RAB3IP: variants seen among roughly 807,000 people sequenced by gnomAD.
The protein encoded by RAB3IP is RAB3A interacting protein, also known as rab-3A-interacting protein.
RAB3IP carries 36 observed loss-of-function variants against 59.1 expected under a neutral mutation model. The observed-to-expected ratio is 0.61, with a 90% CI of 0.47 to 0.80. The LOEUF is 0.80. Among genes scored for constraint, RAB3IP ranks in the 30% least tolerant of loss-of-function variants. The pLI is 0.00. For missense variants in RAB3IP, 511 were observed against 536.0 expected (o/e 0.95, Z 0.46); for synonymous variants, 207 against 191.2 (o/e 1.08, Z -0.68).
At chr12:69,792,741 T>G (rs568136141) in intron 4 of RAB3IP, among the ~76,000 whole-genome samples, 1 of 152,334 alleles carries the variant, frequency 6.6e-6, no homozygotes, top group East Asian at 1.9e-4. Flanking sequence ...CTTTTCACTG[T>G]AACCCTTATG....
rs145664970 is a variant in RAB3IP at position 69,765,671 on chromosome 12, G to A, written c.510+9008G>A. Among the ~76,000 whole-genome samples, 672 of 152,316 alleles carry A rather than the reference G, an allele frequency of 4.4e-3. 5 individuals are homozygous for A. Among genetic ancestry groups the A allele is most frequent in the African/African-American group, 0.016 (650 of 41,570 alleles). On this transcript the variant is annotated intron_variant, in intron 3 of 10. Transcript: ENST00000247833. Reference sequence around the variant, plus strand: ...CTATATCAAAGCCTCTGCACAGGAGGAGTGAGGCAACTCAGGCTGCCGAAC... The same window carrying A: ...CTATATCAAAGCCTCTGCACAGGAGAAGTGAGGCAACTCAGGCTGCCGAAC...
chr12:69,784,864 A>G (rs781002159), intron 4 of RAB3IP, 49 bp downstream of exon 4: 2 of 1,013,356 alleles, frequency 2.0e-6, no homozygotes, highest in Admixed American at 2.0e-5. Flanking sequence ...ACTTTTATAT[A>G]TTGACAAAAT....
In RAB3IP at chr12:69,749,235, A is replaced by G. The variant is rs978528454; in HGVS notation, c.-25-6149A>G. ...TCAGCAAGCTGCATTAGATTCTCAT[A>G]GGAGTGCGAACCGTATTGTGAACTG... is the stretch of plus-strand genomic sequence containing the variant. On this transcript the variant is annotated intron_variant, in intron 1 of 10. Transcript: ENST00000247833. Among the ~76,000 whole-genome samples, 7 of 152,346 alleles carry G rather than the reference A, an allele frequency of 4.6e-5. 1 individual carries two copies. The highest frequency in any genetic ancestry group is 3.4e-3 in the Middle Eastern group (1 of 294).
chr12:69,802,212 A>G (rs750190063), intron 8 of RAB3IP, among the ~76,000 whole-genome samples: 6 of 151,882 alleles, frequency 4.0e-5, no homozygotes, highest in Non-Finnish European at 8.8e-5. Flanking sequence ...CTTCTCTCTG[A>G]GGGTGACCAT....
intron 3 of RAB3IP, chr12:69,779,071 C>G (rs1035019021): frequency 1.0e-5 from 1 of 98,676 alleles, no homozygotes; most frequent in Non-Finnish European, 2.0e-5. Flanking sequence ...AGCGAGATTC[C>G]GTGGGCGTAG....
chr12:69,740,041 G>A (rs917331147), intron 1 of RAB3IP, among the ~76,000 whole-genome samples: 1 of 152,152 alleles, frequency 6.6e-6, no homozygotes. Context: ...TCTTGCAGTG[G>A]AATGATTGCA....
intron 8 of RAB3IP, among the ~76,000 whole-genome samples, chr12:69,810,139 C>T (rs1880181046): frequency 6.6e-6 from 1 of 152,186 alleles, no homozygotes; most frequent in Non-Finnish European, 1.5e-5. Flanking sequence ...AGCTGCAGGT[C>T]TGTTGGAGTT....
At chr12:69,788,166 C>T (rs1423349735) in intron 4 of RAB3IP, among the ~76,000 whole-genome samples, 2 of 152,084 alleles carry the variant, frequency 1.3e-5, no homozygotes, top group Non-Finnish European at 2.9e-5. Flanking sequence ...ATAACTCACA[C>T]ATCTATTGGT....
intron 4 of RAB3IP, among the ~76,000 whole-genome samples, chr12:69,789,014 A>G (rs1430143042): frequency 6.6e-6 from 1 of 152,090 alleles, no homozygotes; most frequent in Non-Finnish European, 1.5e-5. Flanking sequence ...TGAAAACACA[A>G]CGTACCAAAA....
At chr12:69,760,573 C>G (rs1347602369) in intron 3 of RAB3IP, among the ~76,000 whole-genome samples, 2 of 151,932 alleles carry the variant, frequency 1.3e-5, no homozygotes, top group South Asian at 2.1e-4. Context: ...GAAGGACATC[C>G]TTTTACATTT....
rs983313627 is a variant in RAB3IP, at chr12:69,822,715, A to T, written c.*7269A>T. 1 of 152,196 alleles carries T rather than the reference A, an allele frequency of 6.6e-6. No individual in the cohort carries two copies. The highest frequency in any genetic ancestry group is 2.4e-5 in the African/African-American group (1 of 41,430). 9.4% of individuals were successfully genotyped at this position (152,196 alleles called of 1,614,324 possible). ...AAATGATAAATGTTTGAGGTGATGG[A>T]TACCCCAATTACCCTGATTTGATCA... On this transcript the variant is annotated 3_prime_UTR_variant, in exon 11 of 11. Coordinates refer to ENST00000247833, the MANE Select transcript of RAB3IP (RefSeq NM_022456.5).
chr12:69,788,626 A>T (rs1876108518), intron 4 of RAB3IP, among the ~76,000 whole-genome samples: 1 of 152,152 alleles, frequency 6.6e-6, no homozygotes, highest in Non-Finnish European at 1.5e-5. Flanking sequence ...TCAATACCAC[A>T]GTCTCTCTAA....
chr12:69,782,816 T>C (rs1158487536), intron 3 of RAB3IP, among the ~76,000 whole-genome samples: 1 of 152,006 alleles, frequency 6.6e-6, no homozygotes, highest in Non-Finnish European at 1.5e-5. Flanking sequence ...TTTGTTTTGT[T>C]TTTTTTTGTT....
intron 1 of RAB3IP, among the ~76,000 whole-genome samples, chr12:69,751,157 A>G (rs1869217635): frequency 6.6e-6 from 1 of 152,102 alleles, no homozygotes; most frequent in South Asian, 2.1e-4. Flanking sequence ...CTTTATTTTT[A>G]GTGTCATTAT....
At chr12:69,743,518 G>C (rs891595374) in intron 1 of RAB3IP, among the ~76,000 whole-genome samples, 2 of 151,866 alleles carry the variant, frequency 1.3e-5, no homozygotes, top group Non-Finnish European at 2.9e-5. Context: ...TTTATGTTGT[G>C]CTTTACAATG....
At position 69,815,813 on chromosome 12, in the gene RAB3IP, T is replaced by C. The variant is rs1354844592; in HGVS notation, c.*367T>C. On this transcript the variant is annotated 3_prime_UTR_variant, in exon 11 of 11. Coordinates refer to ENST00000247833, the MANE Select transcript of RAB3IP (RefSeq NM_022456.5). ...AGTAATTTTCAAACTACACAGTAGC[T>C]TCCTTCCTTGTGAGAGGCAAGAAAG... is the stretch of plus-strand genomic sequence containing the variant. The C allele has an allele frequency of 1.3e-5, 2 of 155,350 alleles. No homozygotes were observed. The highest frequency in any genetic ancestry group is 4.8e-5 in the African/African-American group (2 of 41,558). The allele number at this position is 155,350 out of a possible 1,614,324, so 9.6% of individuals were successfully genotyped here. A position where few individuals can be genotyped will look rare whatever the true frequency, so the allele number is the denominator to read the frequency against.
chr12:69,775,861 G>C (rs1301307586), intron 3 of RAB3IP, among the ~76,000 whole-genome samples: 1 of 101,112 alleles, frequency 9.9e-6, no homozygotes, highest in African/African-American at 3.5e-5. Context: ...CAAGGATATT[G>C]GTCTAAAATT....
At position 69,809,583 on chromosome 12, in the gene RAB3IP, C is replaced by T. The variant is rs189137341; in HGVS notation, c.1131-3195C>T. 8.3e-4 allele frequency among the ~76,000 whole-genome samples: 127 copies of T among 152,264 alleles called. 1 individual carries two copies. Among genetic ancestry groups the T allele is most frequent in the African/African-American group, 2.7e-3 (112 of 41,564 alleles). On this transcript the variant is annotated intron_variant, in intron 8 of 10. Transcript: ENST00000247833. ...TTTTCACATAGTCCCATATTTCTTG[C>T]AGGCTTTGTTCATTTCTTTTTATTC...
At chr12:69,784,148 A>C (rs1004752570) in intron 3 of RAB3IP, among the ~76,000 whole-genome samples, 8 of 152,172 alleles carry the variant, frequency 5.3e-5, no homozygotes, top group African/African-American at 1.9e-4. Flanking sequence ...GGAGTTGAAT[A>C]TAAATGTAGA....
Sources: allele counts gnomAD v4.1 joint callset (sites outside exome capture counted in the v4.1 genomes callset), GRCh38; gene constraint gnomAD v4.1.1; transcripts MANE v1.5; gene names NCBI Gene and HGNC (gene_info 2026-07-23, HGNC 2026-07-21).